SYNE2: variants seen among roughly 807,000 people sequenced by gnomAD.
SYNE2 encodes the protein spectrin repeat containing nuclear envelope protein 2, also known as nesprin-2.
A neutral mutation model predicts 856.3 loss-of-function variants in SYNE2; 431 were observed. That is an observed-to-expected ratio of 0.50 (90% CI 0.47 to 0.55). The LOEUF is 0.55. SYNE2 is among the 20% of genes least tolerant of loss of function. The pLI is 0.00. For synonymous variants in SYNE2, 2,923 were observed against 2,872.3 expected, an observed-to-expected ratio of 1.02 and a Z score of -0.56; for missense variants, 8,129 against 8,023.2, an observed-to-expected ratio of 1.01 and a Z score of -0.50.
intron 11 of SYNE2, among the ~76,000 whole-genome samples, chr14:63,974,892 G>GTGTATATATATA (rs1375697679): frequency 5.6e-4 from 38 of 67,304 alleles, no homozygotes; most frequent in African/African-American, 1.5e-3. Context: ...GTGTGTGTGT[G>GTGTATATATATA]TATATATATA....
chr14:64,121,366 C>CA (rs997880447), intron 68 of SYNE2, among the ~76,000 whole-genome samples: 8 of 151,714 alleles, frequency 5.3e-5, no homozygotes, highest in African/African-American at 1.7e-4. Flanking sequence ...ACTAAAAATA[C>CA]AAAAAAATGA....
chr14:64,064,596 C>A (rs1016282075), intron 50 of SYNE2, among the ~76,000 whole-genome samples: 3 of 146,436 alleles, frequency 2.0e-5, no homozygotes, highest in African/African-American at 7.7e-5. Flanking sequence ...TTCTGTCACC[C>A]AGGCTGGAGT....
At chr14:63,852,398 G>GT (rs1412767756), upstream of SYNE2, among the ~76,000 whole-genome samples, 1 of 152,140 alleles carries the variant, frequency 6.6e-6, no homozygotes, top group African/African-American at 2.4e-5. Flanking sequence ...CCTGGATGAT[G>GT]TATGTCAGGT....
Position 64,126,347 on chromosome 14 carries a change from A to G in SYNE2, c.13575A>G (p.Ala4525=), listed in dbSNP as rs748532155. ...LQTQENMTEE[A]YINLDKKLFE... is the part of the protein sequence containing the mutation. Reference sequence around the variant, plus strand: ...TTCAGGAAAATATGACAGAAGAAGCATATATCAATTTGGATAAAAAATTGT... The same window carrying G: ...TTCAGGAAAATATGACAGAAGAAGCGTATATCAATTTGGATAAAAAATTGT... The change falls in exon 72 of 116, where the codon GCA becomes GCG. Residue 4525 remains alanine, a synonymous_variant. Transcript: ENST00000555002. 6.8e-6 allele frequency: 11 copies of G among 1,614,026 alleles called. No homozygotes were observed. The highest frequency in any genetic ancestry group is 5.0e-5 in the Admixed American group (3 of 60,024).
intron 75 of SYNE2, 31 bp from the exon 76 acceptor site, chr14:64,130,017 T>C: frequency 6.2e-7 from 1 of 1,613,286 alleles, no homozygotes; most frequent in Non-Finnish European, 8.5e-7. Flanking sequence ...TGGATGAAAA[T>C]GCATGTGTGC....
At chr14:63,994,223 A>G (rs2096693711) in intron 22 of SYNE2, among the ~76,000 whole-genome samples, 1 of 152,224 alleles carries the variant, frequency 6.6e-6, no homozygotes, top group Non-Finnish European at 1.5e-5. Flanking sequence ...CCTGATAAAA[A>G]TGGGGTAACA....
intron 12 of SYNE2, among the ~76,000 whole-genome samples, chr14:63,977,006 G>T (rs1181723792): frequency 1.3e-5 from 2 of 151,666 alleles, no homozygotes; most frequent in Non-Finnish European, 2.9e-5. Context: ...GTCAAGGGGT[G>T]GGAGGGTGGA....
chr14:64,200,166 A>T (rs1239318773), intron 99 of SYNE2, among the ~76,000 whole-genome samples: 1 of 152,236 alleles, frequency 6.6e-6, no homozygotes. Context: ...AAAAAGAAAA[A>T]TATATATAAA....
At position 64,170,253 on chromosome 14, in the gene SYNE2, A is replaced by G. The variant is rs756560078; in HGVS notation, c.17026A>G (p.Lys5676Glu). 1.1e-5 allele frequency: 17 copies of G among 1,614,020 alleles called. No homozygotes were observed. Among genetic ancestry groups the G allele is most frequent in the Non-Finnish European group, 1.4e-5 (17 of 1,180,030 alleles). ...NRPEFITEFS[K>E]LTDRWQNAVQ... is the part of the protein sequence containing the mutation. ...ACCAGAATTTATTACAGAATTCTCA[A>G]AGCTGACGGATCGGTGGCAGAATGC... Residue 5676 changes from lysine (K) to glutamate (E), a missense_variant, in exon 94 of 116, where the codon AAG (lysine) becomes GAG (glutamate). By Grantham distance (56) the Lys-to-Glu change is moderately conservative. Around this residue, in one of 3 missense-constraint regions of SYNE2, gnomAD observed 5,410 missense variants for 5,284.8 expected, o/e 1.02. Coordinates refer to ENST00000555002, the MANE Select transcript of SYNE2 (RefSeq NM_182914.3).
intron 78 of SYNE2, among the ~76,000 whole-genome samples, chr14:64,137,044 A>G (rs1318766963): frequency 1.3e-5 from 2 of 152,166 alleles, no homozygotes; most frequent in African/African-American, 4.8e-5. Context: ...GACACTGGCA[A>G]TCCTGATTAT....
Position 64,029,967 on chromosome 14 carries a change from A to G in SYNE2, c.6787A>G (p.Thr2263Ala). Residue 2263 changes from threonine to alanine, a missense_variant, in exon 44 of 116, where the codon ACT becomes GCT. Coordinates refer to ENST00000555002, the MANE Select transcript of SYNE2 (RefSeq NM_182914.3). The stretch of plus-strand genomic sequence containing the variant: ...CCAGGTTTGCGTCACAGACCTGAAT[A>G]CTACATTGGACAATTTCTCCAAGGA... ...SYQVCVTDLN[T>A]TLDNFSKEFV... The G allele has an allele frequency of 6.2e-7, 1 of 1,614,096 alleles. No homozygotes were observed. Among genetic ancestry groups the G allele is most frequent in the Non-Finnish European group, 8.5e-7 (1 of 1,179,962 alleles).
Position 63,961,621 on chromosome 14 carries a change from C to T in SYNE2, c.884C>T (p.Ala295Val). Residue 295 changes from alanine (A) to valine (V), a missense_variant, in exon 9 of 116, where the codon GCT becomes GTT. Ala to Val is a moderately conservative substitution (Grantham distance 64, BLOSUM62 0). Around this residue, in one of 3 missense-constraint regions of SYNE2, gnomAD observed 2,422 missense variants for 2,357.4 expected, o/e 1.03. Transcript: ENST00000555002. Reference protein sequence around the residue: ...SKDAPGTGEEAQGKVKDAMGW... With the variant: ...SKDAPGTGEEVQGKVKDAMGW... ...GATGCCCCTGGGACTGGAGAGGAGG[C>T]TCAGGTATGTTTTCATATGCATAAA... 6.2e-7 allele frequency: 1 copy of T among 1,611,118 alleles called. No individual in the cohort carries two copies. Among genetic ancestry groups the T allele is most frequent in the Non-Finnish European group, 8.5e-7 (1 of 1,177,396 alleles).
rs1358771865 is a variant in SYNE2 at position 63,924,803 on chromosome 14, A to G, written c.79+15576A>G. ...AAAGTTCATGTCATTGCCATTAAAG[A>G]CAATTTAACTTTTTTCCTTCCAGCC... On this transcript the variant is annotated intron_variant, in intron 2 of 115. Coordinates refer to ENST00000555002, the MANE Select transcript of SYNE2 (RefSeq NM_182914.3). Among the ~76,000 whole-genome samples the G allele has an allele frequency of 2.5e-5, 3 of 120,432 alleles. No homozygotes were observed. In the Admixed American group the frequency reaches 2.6e-4, roughly 11 times the overall value. 79.0% of individuals were successfully genotyped at this position (120,432 alleles called of 152,430 possible).
Position 64,021,888 on chromosome 14 carries a change from A to G in SYNE2, c.5384A>G (p.His1795Arg), listed in dbSNP as rs1160222992. 1 of 1,614,040 alleles carries G rather than the reference A, an allele frequency of 6.2e-7. No individual in the cohort carries two copies. Among genetic ancestry groups the G allele is most frequent in the Admixed American group, 1.7e-5 (1 of 60,034 alleles). ...EIQQQILQQK[H>R]SMILLENQIG... The stretch of plus-strand genomic sequence containing the variant: ...CAACAGCAGATTCTACAGCAAAAAC[A>G]CAGTATGATATTACTTGAGAATCAA... Residue 1795 changes from histidine (H) to arginine (R), a missense_variant, in exon 37 of 116, where the codon CAC (histidine) becomes CGC (arginine). Physicochemically the swap from His to Arg is conservative, Grantham distance 29. This residue lies in a region of SYNE2 where 2,422 missense variants were observed against 2,357.4 expected (regional missense o/e 1.03). Coordinates refer to ENST00000555002, the MANE Select transcript of SYNE2 (RefSeq NM_182914.3).
intron 87 of SYNE2, 61 bp from the exon 88 acceptor site, chr14:64,162,011 G>A (rs1220996601): frequency 1.3e-6 from 2 of 1,578,516 alleles, no homozygotes; most frequent in Middle Eastern, 1.7e-4. Context: ...TGTGTGCATT[G>A]TACTTTCGCT....
chr14:64,167,275 C>T lies in SYNE2; in HGVS notation c.16648C>T (p.His5550Tyr), dbSNP rs755825341. 14 of 1,614,186 alleles carry T rather than the reference C, an allele frequency of 8.7e-6. No homozygotes were observed. The highest frequency in any genetic ancestry group is 3.3e-5 in the Admixed American group (2 of 60,020). Reference sequence around the variant, plus strand: ...GACAGCCCAATCACCTGATATTGAACATTTGAATGAAGTGAGCCTCAAGCT... The same window carrying T: ...GACAGCCCAATCACCTGATATTGAATATTTGAATGAAGTGAGCCTCAAGCT... ...ALTAQSPDIE[H>Y]LNEVSLKLPL... The change falls in exon 91 of 116, where the codon CAT becomes TAT. Residue 5550 changes from histidine to tyrosine, a missense_variant. By Grantham distance (83) the His-to-Tyr change is moderately conservative. Around this residue, in one of 3 missense-constraint regions of SYNE2, gnomAD observed 5,410 missense variants for 5,284.8 expected, o/e 1.02. Transcript: ENST00000555002.
intron 99 of SYNE2, chr14:64,191,184 TATTTAAATTTAATAATTTA>T (rs1383933918): frequency 3.0e-6 from 1 of 328,372 alleles, no homozygotes; most frequent in East Asian, 5.6e-5. Flanking sequence ...TTTAAATTAT[TATTTAAATTTAATAATTTA>T]AATTATTAAG....
chr14:63,996,713 A>G (rs768352023), intron 23 of SYNE2, among the ~76,000 whole-genome samples: 23 of 152,136 alleles, frequency 1.5e-4, no homozygotes, highest in Non-Finnish European at 3.1e-4. Flanking sequence ...AGGCTCTATC[A>G]TAACACTTAG....
At chr14:63,788,372 G>C (rs925159833) in intron 1 of SYNE2, among the ~76,000 whole-genome samples, 3 of 152,116 alleles carry the variant, frequency 2.0e-5, no homozygotes, top group African/African-American at 7.2e-5. Context: ...CAGAGCTTCT[G>C]CTTATCACCG....
Sources: gnomAD v4.1 joint callset for allele counts (sites outside exome capture counted in the v4.1 genomes callset) on GRCh38, gnomAD v4.1.1 for gene constraint, gnomAD v4.1.1 regional missense constraint, MANE v1.5 for transcripts, NCBI Gene and HGNC (gene_info 2026-07-23, HGNC 2026-07-21) for gene names.